The following CNTN4 variants were observed in gnomAD, a reference collection of about 807,000 sequenced individuals.
CNTN4 encodes the protein contactin 4.
A neutral mutation model predicts 122.5 loss-of-function variants in CNTN4; 77 were observed. The observed-to-expected ratio is 0.63, with a 90% CI of 0.52 to 0.76. The LOEUF is 0.76. Among genes scored for constraint, CNTN4 ranks in the 30% least tolerant of loss-of-function variants. The pLI, the probability that CNTN4 is intolerant of heterozygous loss-of-function variation, is 0.00. For missense variants in CNTN4, 1,256 were observed against 1,259.1 expected (o/e 1.00, Z 0.04); for synonymous variants, 512 against 447.0 (o/e 1.15, Z -1.83).
At position 2,518,104 on chromosome 3, in the gene CNTN4, C is replaced by G. The variant is rs550768676; in HGVS notation, c.-88-53312C>G. Among the ~76,000 whole-genome samples, 36 of 152,124 alleles carry G rather than the reference C, an allele frequency of 2.4e-4. 1 individual carries two copies. The South Asian group carries it at 7.5e-3, about 32-fold the overall frequency. On this transcript the variant is annotated intron_variant, in intron 3 of 24. Transcript: ENST00000418658. ...AGTATTATATTTCTTGTTGAAAGTA[C>G]CTTTTGTGGCATGTGAGTACATTTA...
At chr3:2,184,441 T>G (rs1161265194) in intron 2 of CNTN4, among the ~76,000 whole-genome samples, 4 of 152,072 alleles carry the variant, frequency 2.6e-5, no homozygotes, top group African/African-American at 9.7e-5. Flanking sequence ...GGAACCAGCT[T>G]GGGAACACAG....
chr3:2,749,370 AC>A (rs1483801621), intron 6 of CNTN4, among the ~76,000 whole-genome samples: 1 of 139,982 alleles, frequency 7.1e-6, no homozygotes, highest in African/African-American at 2.7e-5. Flanking sequence ...ATGGGGTTTC[AC>A]CATGTTGGCC....
intron 3 of CNTN4, among the ~76,000 whole-genome samples, chr3:2,555,857 A>G (rs2078699627): frequency 6.6e-6 from 1 of 152,190 alleles, no homozygotes; most frequent in South Asian, 2.1e-4. Context: ...TGGAACGTGG[A>G]GAATGGCCTG....
intron 13 of CNTN4, among the ~76,000 whole-genome samples, chr3:2,932,202 C>T (rs536650926): frequency 7.2e-5 from 11 of 152,034 alleles, no homozygotes; most frequent in Non-Finnish European, 1.6e-4. Flanking sequence ...ACGGTGAAAC[C>T]CTCTCTTTAC....
chr3:2,311,003 T>A (rs1261427397), intron 2 of CNTN4, among the ~76,000 whole-genome samples: 5 of 152,140 alleles, frequency 3.3e-5, no homozygotes, highest in Non-Finnish European at 7.4e-5. Flanking sequence ...TTTCCAGACT[T>A]TTTTATTTTT....
chr3:3,042,251 C>A, intron 20 of CNTN4, 59 bp from the exon 21 acceptor site: 3 of 1,195,338 alleles, frequency 2.5e-6, no homozygotes, highest in Non-Finnish European at 3.8e-6. Flanking sequence ...ATGCTAGTAT[C>A]TACAATCCTG....
chr3:2,105,072 C>T (rs2032321612), intron 2 of CNTN4, among the ~76,000 whole-genome samples: 1 of 152,130 alleles, frequency 6.6e-6, no homozygotes, highest in Non-Finnish European at 1.5e-5. Context: ...CCAGTGAGAA[C>T]CACTGCAGTG....
At chr3:2,158,218 G>C (rs567936161) in intron 2 of CNTN4, among the ~76,000 whole-genome samples, 32 of 152,136 alleles carry the variant, frequency 2.1e-4, no homozygotes, top group Non-Finnish European at 4.1e-4. Flanking sequence ...TGTGACAAAT[G>C]ACTTACAAAG....
chr3:3,045,155 A>T (rs1447929673), intron 23 of CNTN4, among the ~76,000 whole-genome samples: 1 of 152,220 alleles, frequency 6.6e-6, no homozygotes, highest in Non-Finnish European at 1.5e-5. Flanking sequence ...AACTGGGTGG[A>T]GCCCACTGCA....
At chr3:2,833,458 ATGT>A (rs2150397109) in intron 7 of CNTN4, among the ~76,000 whole-genome samples, 1 of 113,482 alleles carries the variant, frequency 8.8e-6, no homozygotes, top group South Asian at 2.9e-4. Context: ...TATGTAATCA[ATGT>A]AATTGGTAAA....
At chr3:2,758,653 C>G (rs1034919573) in intron 6 of CNTN4, among the ~76,000 whole-genome samples, 1 of 151,392 alleles carries the variant, frequency 6.6e-6, no homozygotes, top group African/African-American at 2.4e-5. Flanking sequence ...ATTACAGGCG[C>G]ACATCACCAC....
chr3:2,988,529 TGTAATCTACCGAA>T (rs1694784708), intron 14 of CNTN4, 57 bp downstream of exon 14: 1 of 1,585,030 alleles, frequency 6.3e-7, no homozygotes, highest in African/African-American at 1.3e-5. Flanking sequence ...TGTCTAATAA[TGTAATCTACCGAA>T]GTGGCATCAT....
chr3:3,041,801 A>C (rs776214988), intron 20 of CNTN4, among the ~76,000 whole-genome samples: 2 of 152,162 alleles, frequency 1.3e-5, no homozygotes, highest in East Asian at 3.9e-4. Flanking sequence ...AGTCTTTACA[A>C]AAAAACATTA....
At chr3:2,410,042 G>A (rs1302003355) in intron 3 of CNTN4, among the ~76,000 whole-genome samples, 1 of 152,174 alleles carries the variant, frequency 6.6e-6, no homozygotes, top group Non-Finnish European at 1.5e-5. Flanking sequence ...AGTTTGGACA[G>A]CACCTATATG....
At chr3:2,927,375 A>G (rs2094482999) in intron 13 of CNTN4, 1 of 451,358 alleles carries the variant, frequency 2.2e-6, no homozygotes, top group African/African-American at 2.0e-5. Flanking sequence ...GGACGTTGCC[A>G]TTGCAGAAGG....
chr3:2,639,305 G>T (rs1014550507), intron 4 of CNTN4, among the ~76,000 whole-genome samples: 4 of 151,974 alleles, frequency 2.6e-5, no homozygotes, highest in African/African-American at 4.8e-5. Context: ...TTCCACTGGT[G>T]CCCTGCCCCA....
rs141232614 is a variant in CNTN4, at chr3:2,646,793, C to G, written c.55+75235C>G. Among the ~76,000 whole-genome samples, 4 of 152,286 alleles carry G rather than the reference C, an allele frequency of 2.6e-5. No individual in the cohort carries two copies. The East Asian group carries it at 7.7e-4, about 29-fold the overall frequency. ...GATGATCACCTTCTCCCTGTATCCT[C>G]ACATGGCCTTTCCTCTGACTGTATC... On this transcript the variant is annotated intron_variant, in intron 4 of 24. Transcript: ENST00000418658.
At chr3:2,197,259 A>G (rs1436737571) in intron 2 of CNTN4, among the ~76,000 whole-genome samples, 1 of 152,100 alleles carries the variant, frequency 6.6e-6, no homozygotes, top group Non-Finnish European at 1.5e-5. Context: ...GTTTACCTGG[A>G]TTCATCCTGT....
chr3:2,394,360 T>A (rs2046558255), intron 3 of CNTN4, among the ~76,000 whole-genome samples: 1 of 152,148 alleles, frequency 6.6e-6, no homozygotes. Context: ...CAAAGATAAT[T>A]GAGACTTATG....
Sources: allele counts gnomAD v4.1 joint callset (sites outside exome capture counted in the v4.1 genomes callset), GRCh38; gene constraint gnomAD v4.1.1; transcripts MANE v1.5; gene names NCBI Gene and HGNC (gene_info 2026-07-23, HGNC 2026-07-21).